Variants in APP observed in about 807,000 individuals in gnomAD.
The protein encoded by APP is amyloid beta precursor protein.
In APP, 31 loss-of-function variants were observed where a neutral mutation model predicts 101.4. The ratio of observed to expected loss-of-function variants is 0.31; its 90% confidence interval spans 0.23 to 0.41. The LOEUF (loss-of-function observed/expected upper bound fraction) is 0.41. Among genes scored for constraint, APP ranks in the 10% least tolerant of loss-of-function variants. The pLI, the probability that APP is intolerant of heterozygous loss-of-function variation, is 1.00. For synonymous variants in APP, 366 were observed against 364.4 expected (o/e 1.00, Z -0.05); for missense variants, 839 against 1,003.7 (o/e 0.84, Z 2.22).
chr21:26,170,624 G>T lies in APP; in HGVS notation c.-4C>A. On this transcript the variant is annotated 5_prime_UTR_variant, in exon 1 of 18. Coordinates refer to ENST00000346798, the MANE Select transcript of APP (RefSeq NM_000484.4). Reference sequence around the variant, plus strand: ...GCAGTGCCAAACCGGGCAGCATCGCGACCCTGCGCGGGGCACCGAGTGCGC... The same window carrying T: ...GCAGTGCCAAACCGGGCAGCATCGCTACCCTGCGCGGGGCACCGAGTGCGC... 6.5e-7 allele frequency: 1 copy of T among 1,534,688 alleles called. No individual in the cohort carries two copies. Among genetic ancestry groups the T allele is most frequent in the South Asian group, 1.2e-5 (1 of 83,430 alleles).
chr21:25,886,397 TA>T (rs367590132), intron 17 of APP, among the ~76,000 whole-genome samples: 44 of 151,692 alleles, frequency 2.9e-4, no homozygotes, highest in African/African-American at 1.1e-3. Flanking sequence ...TATCCCTTCA[TA>T]ATTTTTTTTT....
At chr21:26,103,500 C>T (rs1459804586) in intron 2 of APP, among the ~76,000 whole-genome samples, 3 of 152,000 alleles carry the variant, frequency 2.0e-5, no homozygotes, top group Non-Finnish European at 4.4e-5. Flanking sequence ...ACTCAGGAGG[C>T]TGAGGCATGA....
intron 6 of APP, among the ~76,000 whole-genome samples, chr21:26,011,066 CT>C (rs1449531350): frequency 6.7e-6 from 1 of 149,832 alleles, no homozygotes; most frequent in South Asian, 2.1e-4. Context: ...TCTCTGTTCA[CT>C]TTTTTATTTT....
At chr21:26,099,232 T>C (rs1022709438) in intron 2 of APP, among the ~76,000 whole-genome samples, 3 of 151,838 alleles carry the variant, frequency 2.0e-5, no homozygotes, top group Admixed American at 6.6e-5. Flanking sequence ...TATGAATATA[T>C]ACATGAAACA....
intron 1 of APP, among the ~76,000 whole-genome samples, chr21:26,134,291 T>C (rs961394162): frequency 2.0e-5 from 3 of 152,198 alleles, no homozygotes; most frequent in African/African-American, 7.2e-5. Flanking sequence ...TCCCACAGGC[T>C]GAGGGCTCAG....
chr21:26,123,064 G>T (rs998847834), intron 1 of APP, among the ~76,000 whole-genome samples: 10 of 152,136 alleles, frequency 6.6e-5, no homozygotes, highest in African/African-American at 2.4e-4. Flanking sequence ...TAAGGAAAGG[G>T]CATCAGAGAT....
intron 5 of APP, among the ~76,000 whole-genome samples, chr21:26,037,917 CTTA>C (rs1271018061): frequency 1.3e-5 from 2 of 152,112 alleles, no homozygotes; most frequent in Non-Finnish European, 2.9e-5. Context: ...TCTTCTCTTA[CTTA>C]TTAGTAGTTA....
chr21:26,142,473 G>A (rs1251770891), intron 1 of APP, among the ~76,000 whole-genome samples: 1 of 152,138 alleles, frequency 6.6e-6, no homozygotes, highest in Non-Finnish European at 1.5e-5. Flanking sequence ...TCAAAATTAA[G>A]ACAGTGTCAC....
intron 5 of APP, among the ~76,000 whole-genome samples, chr21:26,046,113 A>G (rs1328908890): frequency 6.6e-6 from 1 of 152,020 alleles, no homozygotes; most frequent in African/African-American, 2.4e-5. Flanking sequence ...ATTGCCTCCC[A>G]CCGAGTCCCT....
intron 1 of APP, among the ~76,000 whole-genome samples, chr21:26,122,081 A>T (rs911123902): frequency 1.9e-4 from 29 of 152,308 alleles, no homozygotes; most frequent in African/African-American, 7.0e-4. Flanking sequence ...GGACAAGGGG[A>T]AAAAGAAGCA....
chr21:25,958,137 T>A (rs1056854966), intron 11 of APP, among the ~76,000 whole-genome samples: 20 of 152,198 alleles, frequency 1.3e-4, no homozygotes, highest in East Asian at 7.7e-4. Context: ...CAGGATGCCA[T>A]GGCCCCAGGC....
chr21:26,023,969 T>C (rs2044459003), intron 5 of APP, among the ~76,000 whole-genome samples: 2 of 152,186 alleles, frequency 1.3e-5, no homozygotes, highest in Non-Finnish European at 2.9e-5. Context: ...TGCTGATGCA[T>C]CATAGTTTGT....
At chr21:26,091,742 G>T (rs764536155) in intron 2 of APP, among the ~76,000 whole-genome samples, 1 of 152,104 alleles carries the variant, frequency 6.6e-6, no homozygotes, top group Admixed American at 6.5e-5. Context: ...GAAGAGAAAG[G>T]AAGAGTGGTT....
chr21:25,978,047 A>AT (rs1315564337), intron 9 of APP, among the ~76,000 whole-genome samples: 2 of 152,146 alleles, frequency 1.3e-5, no homozygotes, highest in African/African-American at 4.8e-5. Flanking sequence ...TTACATTTAC[A>AT]TTTTTTCCAT....
intron 1 of APP, among the ~76,000 whole-genome samples, chr21:26,169,914 G>C (rs927105290): frequency 1.3e-5 from 2 of 152,214 alleles, no homozygotes; most frequent in African/African-American, 4.8e-5. Context: ...CACAAAGTTT[G>C]CCTGTGGAAG....
rs565138372 is a variant in APP, at chr21:25,969,945, G to A, written c.1458+5125C>T. On this transcript the variant is annotated intron_variant, in intron 11 of 17. Transcript: ENST00000346798. ...AGAAAAGGAAAGGAAAGGAAAGGAAGGGAAGAAGGAAGGAGGGAGGGAGGG... is the reference window on the plus strand; with the variant it reads ...AGAAAAGGAAAGGAAAGGAAAGGAAAGGAAGAAGGAAGGAGGGAGGGAGGG... Among the ~76,000 whole-genome samples the A allele has an allele frequency of 9.3e-5, 13 of 139,196 alleles. No individual in the cohort carries two copies. The East Asian group carries it at 2.3e-3, about 25-fold the overall frequency. 91.3% of individuals were successfully genotyped at this position (139,196 alleles called of 152,430 possible).
At chr21:26,136,202 A>AAAGAAAGAAAGAAAGAAAGAAAAG (rs137962980) in intron 1 of APP, among the ~76,000 whole-genome samples, 1 of 100,702 alleles carries the variant, frequency 9.9e-6, no homozygotes, top group Non-Finnish European at 2.0e-5. Flanking sequence ...AGAAAGAAAG[A>AAAGAAAGAAAGAAAGAAAGAAAAG]AAAGAAAAGA....
At chr21:26,076,322 T>A (rs965450155) in intron 3 of APP, among the ~76,000 whole-genome samples, 5 of 152,132 alleles carry the variant, frequency 3.3e-5, no homozygotes, top group Non-Finnish European at 7.4e-5. Flanking sequence ...TCTCCCTACC[T>A]CCTATGCTCA....
At position 25,978,152 on chromosome 21, in the gene APP, A is replaced by C. The variant is rs141720820; in HGVS notation, c.1225-2124T>G. On this transcript the variant is annotated intron_variant, in intron 9 of 17. Transcript: ENST00000346798. ...AGATTTATTTAGCTAATGAGTTGCA[A>C]ATAAGCATTACTATAGAAATTAACT... Among the ~76,000 whole-genome samples the C allele has an allele frequency of 5.8e-3, 885 of 152,344 alleles. 5 individuals are homozygous for C. The highest frequency in any genetic ancestry group is 0.019 in the African/African-American group (794 of 41,572).
Sources: gnomAD v4.1 joint callset for allele counts (sites outside exome capture counted in the v4.1 genomes callset) on GRCh38, gnomAD v4.1.1 for gene constraint, MANE v1.5 for transcripts, NCBI Gene and HGNC (gene_info 2026-07-23, HGNC 2026-07-21) for gene names.